MACROD2: variants seen among roughly 807,000 people sequenced by gnomAD.
MACROD2 encodes mono-ADP ribosylhydrolase 2.
In MACROD2, 36 loss-of-function variants were observed where a neutral mutation model predicts 70.4. The ratio of observed to expected loss-of-function variants is 0.51; its 90% CI spans 0.39 to 0.68. MACROD2 has a LOEUF of 0.68. Ranked by LOEUF, MACROD2 falls within the 30% of genes least tolerant of loss-of-function variation. The probability of loss-of-function intolerance (pLI) is 0.00; values close to 1 mark genes in which losing one functional copy is unlikely to be tolerated. For missense variants in MACROD2, 496 were observed against 538.4 expected, an observed-to-expected ratio of 0.92 and a Z score of 0.78; for synonymous variants, 172 against 178.8, an observed-to-expected ratio of 0.96 and a Z score of 0.30.
chr20:14,622,411 A>G (rs1032289453), intron 4 of MACROD2, among the ~76,000 whole-genome samples: 2 of 152,164 alleles, frequency 1.3e-5, no homozygotes, highest in African/African-American at 4.8e-5. Context: ...ATTACCTTTT[A>G]AAATCACCAG....
Position 14,213,815 on chromosome 20 carries a change from TAA to T in MACROD2, c.271+128090_271+128091del, listed in dbSNP as rs763822383. Among the ~76,000 whole-genome samples, 22 of 152,206 alleles carry T rather than the reference TAA, an allele frequency of 1.4e-4. 1 individual carries two copies. Among genetic ancestry groups the T allele is most frequent in the Admixed American group, 9.8e-4 (15 of 15,274 alleles). On this transcript the variant is annotated intron_variant, in intron 3 of 17. Transcript: ENST00000684519. ...ATAAAATGTTATTTCCAAATTAAATTAAAAGTTTTCTTTATTTTTTACTATCA... is the reference window on the plus strand; with the variant it reads ...ATAAAATGTTATTTCCAAATTAAATTAAGTTTTCTTTATTTTTTACTATCA...
chr20:14,661,221 C>T (rs1399290457), intron 4 of MACROD2, among the ~76,000 whole-genome samples: 2 of 151,966 alleles, frequency 1.3e-5, no homozygotes, highest in African/African-American at 4.8e-5. Flanking sequence ...CCATGATTTT[C>T]TGACTTTTTA....
At chr20:14,468,188 CTGTCTAATAT>C (rs1230202940) in intron 3 of MACROD2, among the ~76,000 whole-genome samples, 1 of 151,926 alleles carries the variant, frequency 6.6e-6, no homozygotes, top group Non-Finnish European at 1.5e-5. Context: ...TCTTGTTGAT[CTGTCTAATAT>C]TGACAGTGGG....
chr20:15,737,294 C>T (rs537447514), intron 8 of MACROD2, among the ~76,000 whole-genome samples: 8 of 152,254 alleles, frequency 5.3e-5, no homozygotes, highest in African/African-American at 1.9e-4. Flanking sequence ...ACTTAAGACA[C>T]GTCAGGAAAT....
chr20:15,021,134 A>C (rs1187780754), intron 5 of MACROD2, among the ~76,000 whole-genome samples: 2 of 123,588 alleles, frequency 1.6e-5, no homozygotes, highest in African/African-American at 7.2e-5. Flanking sequence ...GTGTATACAC[A>C]TACGTGTGTG....
intron 3 of MACROD2, among the ~76,000 whole-genome samples, chr20:14,369,002 A>G (rs974699870): frequency 1.3e-5 from 2 of 152,326 alleles, no homozygotes; most frequent in Middle Eastern, 3.4e-3. Context: ...AGTTTTTATT[A>G]GCGAGCATGG....
chr20:14,172,528 C>T (rs2081231049), intron 3 of MACROD2, among the ~76,000 whole-genome samples: 1 of 152,138 alleles, frequency 6.6e-6, no homozygotes, highest in South Asian at 2.1e-4. Flanking sequence ...AGGTCTTAAA[C>T]TCCTGACCTC....
At chr20:14,640,335 G>A (rs745614286) in intron 4 of MACROD2, among the ~76,000 whole-genome samples, 7 of 152,152 alleles carry the variant, frequency 4.6e-5, no homozygotes, top group Non-Finnish European at 8.8e-5. Flanking sequence ...AAGTTTTCCT[G>A]AAACTACTTT....
At chr20:15,083,087 A>G (rs2075717580) in intron 5 of MACROD2, among the ~76,000 whole-genome samples, 1 of 152,170 alleles carries the variant, frequency 6.6e-6, no homozygotes, top group Non-Finnish European at 1.5e-5. Context: ...TCATTAATTT[A>G]AAACTGTCAT....
intron 2 of MACROD2, among the ~76,000 whole-genome samples, chr20:14,071,417 C>T (rs1270292592): frequency 3.3e-5 from 5 of 151,694 alleles, no homozygotes; most frequent in East Asian, 1.9e-4. Flanking sequence ...CCTACCACCA[C>T]GCCCGGCTAA....
At chr20:14,017,032 T>G (rs2053002788) in intron 2 of MACROD2, among the ~76,000 whole-genome samples, 1 of 152,258 alleles carries the variant, frequency 6.6e-6, no homozygotes, top group South Asian at 2.1e-4. Context: ...TAGCACTGTT[T>G]TGTAGTTTTC....
chr20:14,919,454 C>G (rs935198131), intron 5 of MACROD2, among the ~76,000 whole-genome samples: 1 of 152,188 alleles, frequency 6.6e-6, no homozygotes, highest in Admixed American at 6.5e-5. Flanking sequence ...CTTTCATAAC[C>G]ACATTTAACT....
At chr20:15,762,059 G>A (rs538690973) in intron 8 of MACROD2, among the ~76,000 whole-genome samples, 3 of 152,128 alleles carry the variant, frequency 2.0e-5, no homozygotes, top group Non-Finnish European at 4.4e-5. Flanking sequence ...AGCATTTAAG[G>A]AAGAAATTGA....
chr20:15,198,430 G>A (rs556891529), intron 5 of MACROD2, among the ~76,000 whole-genome samples: 13 of 152,220 alleles, frequency 8.5e-5, no homozygotes, highest in East Asian at 3.9e-4. Context: ...GCAAAAATTC[G>A]TCATAAATTT....
At chr20:15,531,881 CTT>C (rs1486860375) in intron 8 of MACROD2, among the ~76,000 whole-genome samples, 1 of 152,060 alleles carries the variant, frequency 6.6e-6, no homozygotes, top group East Asian at 1.9e-4. Flanking sequence ...AGTCTGTTGT[CTT>C]TGTGGTTGGT....
intron 8 of MACROD2, among the ~76,000 whole-genome samples, chr20:15,851,080 T>C (rs2064292957): frequency 1.3e-5 from 2 of 152,094 alleles, no homozygotes. Flanking sequence ...AGAATTCAGA[T>C]TGTCAAAAAT....
chr20:14,982,915 A>C (rs1434551798), intron 5 of MACROD2, among the ~76,000 whole-genome samples: 2 of 152,114 alleles, frequency 1.3e-5, no homozygotes, highest in African/African-American at 4.8e-5. Context: ...AGATCCACTG[A>C]CAGCTTGTAC....
At chr20:14,699,476 T>C (rs1027812712) in intron 5 of MACROD2, among the ~76,000 whole-genome samples, 4 of 152,172 alleles carry the variant, frequency 2.6e-5, no homozygotes, top group Non-Finnish European at 5.9e-5. Context: ...GAAATCTATT[T>C]ATTATTTTGT....
chr20:15,269,553 A>C (rs981232601), intron 6 of MACROD2, among the ~76,000 whole-genome samples: 1 of 152,242 alleles, frequency 6.6e-6, no homozygotes, highest in Non-Finnish European at 1.5e-5. Flanking sequence ...GATGATAGTC[A>C]GCAGTGAATA....
Sources: allele counts gnomAD v4.1 joint callset (sites outside exome capture counted in the v4.1 genomes callset), GRCh38; gene constraint gnomAD v4.1.1; transcripts MANE v1.5; gene names NCBI Gene and HGNC (gene_info 2026-07-23, HGNC 2026-07-21).